Variants in MMP1 observed in about 807,000 individuals in gnomAD.
The protein encoded by MMP1 is interstitial collagenase.
MMP1 carries 51 observed loss-of-function variants against 49.6 expected under a neutral mutation model. The ratio of observed to expected loss-of-function variants is 1.03; its 90% CI spans 0.82 to 1.30. MMP1 has a LOEUF of 1.30. Ranked by LOEUF, MMP1 falls within the 50% of genes most tolerant of loss-of-function variation. The pLI, the probability that MMP1 is intolerant of heterozygous loss-of-function variation, is 0.00. For synonymous variants in MMP1, 230 were observed against 196.8 expected (o/e 1.17, Z -1.41); for missense variants, 623 against 568.7 (o/e 1.10, Z -0.97).
At chr11:102,796,546 G>T in intron 4 of MMP1, 118 bp downstream of exon 4, 1 of 1,199,572 alleles carries the variant, frequency 8.3e-7, no homozygotes. Context: ...CTAATTTTCT[G>T]AGTGGTAATA....
intron 7 of MMP1, 136 bp downstream of exon 7, chr11:102,792,469 T>C (rs191441159): frequency 1.1e-6 from 1 of 870,468 alleles, no homozygotes; most frequent in Non-Finnish European, 1.7e-6. Context: ...GTTGATGGAC[T>C]TTCATTGATT....
rs747966383 is a variant in MMP1, at chr11:102,796,683, C to T, written c.606G>A (p.Arg202=). 1.2e-6 allele frequency: 2 copies of T among 1,613,800 alleles called. No homozygotes were observed. Among genetic ancestry groups the T allele is most frequent in the African/African-American group, 1.3e-5 (1 of 75,034 alleles). The change falls in exon 4 of 10, where the codon AGG becomes AGA. Residue 202 remains arginine, a synonymous_variant. Transcript: ENST00000315274. ...GCTTACCTCTGAAATTGTTGGTCCA[C>T]CTTTCATCTTCATCAAAATGAGCAT... ...GGDAHFDEDE[R]WTNNFREYNL... is the part of the protein sequence containing the mutation.
intron 3 of MMP1, 80 bp from the exon 4 acceptor site, chr11:102,796,869 G>C: frequency 6.4e-7 from 1 of 1,553,630 alleles, no homozygotes; most frequent in Non-Finnish European, 8.7e-7. Context: ...GCTTTGTTAA[G>C]AGGCCAACAG....
chr11:102,792,546 C>A, intron 7 of MMP1, 59 bp downstream of exon 7: 2 of 1,544,844 alleles, frequency 1.3e-6, no homozygotes, highest in South Asian at 1.1e-5. Context: ...TATATCTCAG[C>A]CCCAAAGGGA....
chr11:102,791,460 G>T lies in MMP1; in HGVS notation c.1069C>A (p.Leu357Ile). ...TAGATGTCCTTGGGGTATCCGTGTAGCACATTCTGTCCCTGAACAGCCCAG... is the reference window on the plus strand; with the variant it reads ...TAGATGTCCTTGGGGTATCCGTGTATCACATTCTGTCCCTGAACAGCCCAG... ...KYWAVQGQNV[L>I]HGYPKDIYSS... Residue 357 changes from leucine to isoleucine, a missense_variant, in exon 8 of 10, where the codon CTA becomes ATA. By Grantham distance (5) the Leu-to-Ile change is conservative (BLOSUM62 2). Transcript: ENST00000315274. 1 of 1,613,992 alleles carries T rather than the reference G, an allele frequency of 6.2e-7. No homozygotes were observed.
In MMP1 at chr11:102,797,864, G is replaced by C. The variant is rs1858245963; in HGVS notation, c.105+124C>G. ...AGATACATTTTGGGTGGAGGGTGCT[G>C]TTTCTAGCAAAAAAAAAAAAAATCT... On this transcript the variant is annotated intron_variant, in intron 1 of 9. Coordinates refer to ENST00000315274, the MANE Select transcript of MMP1 (RefSeq NM_002421.4). 4.6e-6 allele frequency: 3 copies of C among 655,334 alleles called. 1 individual carries two copies. Among genetic ancestry groups the C allele is most frequent in the Non-Finnish European group, 2.3e-6 (1 of 433,550 alleles). The allele number at this position is 655,334 out of a possible 1,614,324, so 40.6% of individuals were successfully genotyped here. A position where few individuals can be genotyped will look rare whatever the true frequency, so the allele number is the denominator to read the frequency against.
chr11:102,792,891 T>C (rs1858073713), intron 6 of MMP1, among the ~76,000 whole-genome samples, 153 bp from the exon 7 acceptor site: 2 of 152,316 alleles, frequency 1.3e-5, no homozygotes, highest in Non-Finnish European at 2.9e-5. Context: ...TTATAGCATT[T>C]GCTGATTTCA....
At position 102,795,464 on chromosome 11, in the gene MMP1, G is replaced by C; in HGVS notation, c.769C>G (p.Gln257Glu). Residue 257 changes from glutamine to glutamate, a missense_variant, in exon 5 of 10, where the codon CAA (glutamine) becomes GAA (glutamate). Coordinates refer to ENST00000315274, the MANE Select transcript of MMP1 (RefSeq NM_002421.4). ...QLAQDDIDGI[Q>E]AIYGRSQNPV... The stretch of plus-strand genomic sequence containing the variant: ...TCCCCATACTCACCATATATGGCTT[G>C]GATGCCATCAATGTCATCCTGAGCT... 6.2e-7 allele frequency: 1 copy of C among 1,612,066 alleles called. No homozygotes were observed. The highest frequency in any genetic ancestry group is 8.5e-7 in the Non-Finnish European group (1 of 1,179,498).
rs895787308 is a variant in MMP1 at position 102,790,222 on chromosome 11, T to C, written c.*190A>G. 2.4e-6 allele frequency: 1 copy of C among 417,316 alleles called. No individual in the cohort carries two copies. The highest frequency in any genetic ancestry group is 4.3e-6 in the Non-Finnish European group (1 of 234,870). The allele number at this position is 417,316 out of a possible 1,614,324, so 25.9% of individuals were successfully genotyped here. A position where few individuals can be genotyped will look rare whatever the true frequency, so the allele number is the denominator to read the frequency against. ...TTTTTGTACCCACCATTTGTGGAAC[T>C]AAATTATATCAGTACAAAAAGGGCT... On this transcript the variant is annotated 3_prime_UTR_variant, in exon 10 of 10. Coordinates refer to ENST00000315274, the MANE Select transcript of MMP1 (RefSeq NM_002421.4).
chr11:102,795,820 T>C (rs1858172587), intron 4 of MMP1, among the ~76,000 whole-genome samples: 1 of 152,210 alleles, frequency 6.6e-6, no homozygotes, highest in Non-Finnish European at 1.5e-5. Flanking sequence ...TATGATTACA[T>C]TGATACAATT....
chr11:102,795,123 A>T, intron 6 of MMP1, 51 bp downstream of exon 6: 1 of 1,321,762 alleles, frequency 7.6e-7, no homozygotes, highest in Non-Finnish European at 1.1e-6. Flanking sequence ...CATAGTGGTG[A>T]ATGTTGTTAT....
At position 102,795,182 on chromosome 11, in the gene MMP1, A is replaced by T; in HGVS notation, c.891T>A (p.Phe297Leu). ...AAGAACTGACATCTTACCTGTCTTTAAAGAACATCACTTCTCCCCGAATCG... is the reference window on the plus strand; with the variant it reads ...AAGAACTGACATCTTACCTGTCTTTTAAGAACATCACTTCTCCCCGAATCG... The part of the protein sequence containing the change: ...ITTIRGEVMF[F>L]KDRFYMRTNP... Residue 297 changes from phenylalanine (F) to leucine (L), a missense_variant, in exon 6 of 10, where the codon TTT becomes TTA. Phe to Leu is a conservative substitution (Grantham distance 22). Coordinates refer to ENST00000315274, the MANE Select transcript of MMP1 (RefSeq NM_002421.4). 6.2e-7 allele frequency: 1 copy of T among 1,611,260 alleles called. No individual in the cohort carries two copies. The highest frequency in any genetic ancestry group is 8.5e-7 in the Non-Finnish European group (1 of 1,177,398).
At chr11:102,795,049 C>T in intron 6 of MMP1, 125 bp downstream of exon 6, 1 of 830,568 alleles carries the variant, frequency 1.2e-6, no homozygotes. Context: ...CATGTGGTTG[C>T]TACCATGTGA....
Position 102,797,062 on chromosome 11 carries a change from T to C in MMP1, c.451A>G (p.Lys151Glu). The C allele has an allele frequency of 6.2e-7, 1 of 1,614,148 alleles. No homozygotes were observed. Among genetic ancestry groups the C allele is most frequent in the Non-Finnish European group, 8.5e-7 (1 of 1,180,020 alleles). The change falls in exon 3 of 10, where the codon AAG becomes GAG. Residue 151 changes from lysine to glutamate, a missense_variant. By Grantham distance (56) the Lys-to-Glu change is moderately conservative. Coordinates refer to ENST00000315274, the MANE Select transcript of MMP1 (RefSeq NM_002421.4). ...WSNVTPLTFT[K>E]VSEGQADIMI... Reference sequence around the variant, plus strand: ...ATGTCTGCTTGACCCTCAGAGACCTTGGTGAATGTCAGAGGTGTGACATTA... The same window carrying C: ...ATGTCTGCTTGACCCTCAGAGACCTCGGTGAATGTCAGAGGTGTGACATTA...
rs1432854381 is a variant in MMP1 at position 102,794,413 on chromosome 11, G to C, written c.899+761C>G. Among the ~76,000 whole-genome samples the C allele has an allele frequency of 6.6e-6, 1 of 152,134 alleles. No individual in the cohort carries two copies. The highest frequency in any genetic ancestry group is 1.5e-5 in the Non-Finnish European group (1 of 68,026). On this transcript the variant is annotated intron_variant, in intron 6 of 9. Transcript: ENST00000315274. The surrounding 1 kb of genome is among the most constrained non-coding windows in gnomAD (Gnocchi z 4.3). ...AAAAGAGTGTGTTATTATTTTGCCT[G>C]ATCCTTTAGGAATCACTATGGTACA...
chr11:102,792,842 G>T, intron 6 of MMP1, 104 bp from the exon 7 acceptor site: 1 of 1,068,406 alleles, frequency 9.4e-7, no homozygotes, highest in South Asian at 1.4e-5. Flanking sequence ...TGGTGTGCTG[G>T]TAAATGTATA....
intron 4 of MMP1, among the ~76,000 whole-genome samples, chr11:102,796,347 A>T (rs1280052430): frequency 6.6e-6 from 1 of 152,220 alleles, no homozygotes; most frequent in Non-Finnish European, 1.5e-5. Context: ...ATTTCCACAT[A>T]AGTTTATGAC....
Position 102,795,065 on chromosome 11 carries a change from G to A in MMP1, c.899+109C>T, listed in dbSNP as rs1858142165. On this transcript the variant is annotated intron_variant, in intron 6 of 9. Transcript: ENST00000315274. ...ATGTGGTTGCTACCATGTGATTATA[G>A]ATGTAAATCAGCATGAAATAAGTAA... 35 of 908,922 alleles carry A rather than the reference G, an allele frequency of 3.9e-5. No homozygotes were observed. In the East Asian group the frequency reaches 8.5e-4, roughly 22 times the overall value. 56.3% of individuals were successfully genotyped at this position (908,922 alleles called of 1,614,324 possible).
chr11:102,792,827 A>C (rs1858071710), intron 6 of MMP1, 89 bp from the exon 7 acceptor site: 3 of 1,229,758 alleles, frequency 2.4e-6, no homozygotes, highest in Non-Finnish European at 1.2e-6. Flanking sequence ...TGTTGCTGGC[A>C]CTAGTGGTGT....
Sources: allele counts gnomAD v4.1 joint callset (sites outside exome capture counted in the v4.1 genomes callset), GRCh38; gene constraint gnomAD v4.1.1; non-coding constraint Gnocchi (gnomAD v3.1); transcripts MANE v1.5; gene names NCBI Gene and HGNC (gene_info 2026-07-23, HGNC 2026-07-21).